ASPM: variants seen among roughly 807,000 people sequenced by gnomAD.
ASPM encodes the protein assembly factor for spindle microtubules, also known as abnormal spindle-like microcephaly-associated protein.
In ASPM, 256 loss-of-function variants were observed where a neutral mutation model predicts 366.4. The ratio of observed to expected loss-of-function variants is 0.70; its 90% CI spans 0.63 to 0.77. The LOEUF is 0.77. Ranked by LOEUF, ASPM falls within the 30% of genes least tolerant of loss-of-function variation. The pLI is 0.00. For missense variants in ASPM, 4,146 were observed against 4,090.4 expected (o/e 1.01, Z -0.37); for synonymous variants, 1,414 against 1,342.9 (o/e 1.05, Z -1.16).
chr1:197,097,405 G>A (rs1657013847), intron 18 of ASPM, among the ~76,000 whole-genome samples: 1 of 151,736 alleles, frequency 6.6e-6, no homozygotes, highest in Non-Finnish European at 1.5e-5. Flanking sequence ...CTCTTTGGAT[G>A]TTAATCCGAC....
At chr1:197,089,823 G>T in intron 25 of ASPM, 107 bp downstream of exon 25, 2 of 1,086,060 alleles carry the variant, frequency 1.8e-6, no homozygotes, top group Admixed American at 2.0e-5. Context: ...GCACATAAAT[G>T]AATTTAACTT....
Position 197,122,081 on chromosome 1 carries a change from A to G in ASPM, c.3742-38T>C, listed in dbSNP as rs773325976. The G allele has an allele frequency of 1.4e-5, 22 of 1,602,972 alleles. No individual in the cohort carries two copies. The South Asian group carries it at 2.1e-4, about 15-fold the overall frequency. ...CACAAAAGATAAAAACAGAATATCA[A>G]CAGAGAATACAGTACTTACTATCAT... On this transcript the variant is annotated intron_variant, in intron 15 of 27. Transcript: ENST00000367409.
At position 197,133,612 on chromosome 1, in the gene ASPM, G is replaced by T; in HGVS notation, c.2174-17C>A. The T allele has an allele frequency of 6.2e-7, 1 of 1,610,244 alleles. No homozygotes were observed. The highest frequency in any genetic ancestry group is 1.1e-5 in the South Asian group (1 of 90,784). On this transcript the variant is annotated splice_polypyrimidine_tract_variant and intron_variant, in intron 5 of 27. Transcript: ENST00000367409. Reference sequence around the variant, plus strand: ...CAGCATTTACTGGGTAAAAACAAAAGAAAGAATGTTTCTGGTTAAACAATA... The same window carrying T: ...CAGCATTTACTGGGTAAAAACAAAATAAAGAATGTTTCTGGTTAAACAATA...
intron 5 of ASPM, among the ~76,000 whole-genome samples, chr1:197,134,305 AG>A (rs1658353764): frequency 6.6e-6 from 1 of 151,848 alleles, no homozygotes; most frequent in Non-Finnish European, 1.5e-5. Context: ...ACAACTACTC[AG>A]GAGTTTGAGG....
In ASPM at chr1:197,129,319, TTAAA is replaced by T. The variant is rs1211384491; in HGVS notation, c.2630-6_2630-3del. On this transcript the variant is annotated splice_region_variant and splice_polypyrimidine_tract_variant and intron_variant, in intron 8 of 27. Coordinates refer to ENST00000367409, the MANE Select transcript of ASPM (RefSeq NM_018136.5). ...ACTTGGACAAAGCTTCTTCATGACCTTAAATAAAGTACAAAAAAGCACAGCAAGT... is the reference window on the plus strand; with the variant it reads ...ACTTGGACAAAGCTTCTTCATGACCTTAAAGTACAAAAAAGCACAGCAAGT... The T allele has an allele frequency of 6.2e-7, 1 of 1,612,130 alleles. No homozygotes were observed. The highest frequency in any genetic ancestry group is 8.5e-7 in the Non-Finnish European group (1 of 1,178,814).
rs575943239 is a variant in ASPM at position 197,133,278 on chromosome 1, C to T, written c.2419+72G>A. On this transcript the variant is annotated intron_variant, in intron 6 of 27. Coordinates refer to ENST00000367409, the MANE Select transcript of ASPM (RefSeq NM_018136.5). ...CCTGTCAATTATATGTCAATAAAGC[C>T]GGGGGAAAAAAACACAAAATCTCTT... is the stretch of plus-strand genomic sequence containing the variant. 289 of 1,500,930 alleles carry T rather than the reference C, an allele frequency of 1.9e-4. 1 individual carries two copies. In the South Asian group the frequency reaches 3.5e-3, roughly 18 times the overall value. The allele number at this position is 1,500,930 out of a possible 1,614,324, so 93.0% of individuals were successfully genotyped here. A position where few individuals can be genotyped will look rare whatever the true frequency, so the allele number is the denominator to read the frequency against.
At position 197,100,958 on chromosome 1, in the gene ASPM, T is replaced by C; in HGVS notation, c.8293A>G (p.Lys2765Glu). 1 of 1,612,658 alleles carries C rather than the reference T, an allele frequency of 6.2e-7. No individual in the cohort carries two copies. Among genetic ancestry groups the C allele is most frequent in the South Asian group, 1.1e-5 (1 of 91,062 alleles). Residue 2765 changes from lysine to glutamate, a missense_variant, in exon 18 of 28, where the codon AAG becomes GAG. Coordinates refer to ENST00000367409, the MANE Select transcript of ASPM (RefSeq NM_018136.5). ...RQKLKNVSEE[K>E]MAAIVNQSAL... ...GATTGGTTAACAATGGCTGCCATCT[T>C]TTCCTCTGATACATTTTTCAATTTT...
chr1:197,092,924 G>T, intron 21 of ASPM, 128 bp downstream of exon 21: 1 of 843,476 alleles, frequency 1.2e-6, no homozygotes, highest in Non-Finnish European at 1.9e-6. Context: ...TCTAGCAGCT[G>T]AATTAATTCA....
intron 4 of ASPM, among the ~76,000 whole-genome samples, chr1:197,138,040 CATA>C (rs1658473737): frequency 6.6e-6 from 1 of 152,044 alleles, no homozygotes; most frequent in Non-Finnish European, 1.5e-5. Context: ...ATTTGTATAA[CATA>C]ATATTTTATG....
Position 197,143,651 on chromosome 1 carries a change from T to A in ASPM, c.601A>T (p.Asn201Tyr), listed in dbSNP as rs370907931. 6.2e-7 allele frequency: 1 copy of A among 1,613,596 alleles called. No individual in the cohort carries two copies. Among genetic ancestry groups the A allele is most frequent in the East Asian group, 2.2e-5 (1 of 44,870 alleles). The change falls in exon 3 of 28, where the codon AAT becomes TAT. Residue 201 changes from asparagine (N) to tyrosine (Y), a missense_variant. Physicochemically the swap from Asn to Tyr is moderately radical, Grantham distance 143. This residue lies in a region of ASPM where 512 missense variants were observed against 471.7 expected (regional missense o/e 1.09). Transcript: ENST00000367409. ...PLQACENLAM[N>Y]EGGPPTENNS... Reference sequence around the variant, plus strand: ...TTTTCTGTTGGGGGACCGCCTTCATTCATAGCCAAGTTTTCACAAGCTTGT... The same window carrying A: ...TTTTCTGTTGGGGGACCGCCTTCATACATAGCCAAGTTTTCACAAGCTTGT...
At chr1:197,122,733 G>A in intron 13 of ASPM, 138 bp from the exon 14 acceptor site, 2 of 828,378 alleles carry the variant, frequency 2.4e-6, no homozygotes, top group East Asian at 5.3e-5. Context: ...AAGTTTGACT[G>A]GTAAACTCTA....
Position 197,096,013 on chromosome 1 carries a change from T to A in ASPM, c.8972A>T (p.Lys2991Ile). 6.2e-7 allele frequency: 1 copy of A among 1,608,504 alleles called. No individual in the cohort carries two copies. Among genetic ancestry groups the A allele is most frequent in the Non-Finnish European group, 8.5e-7 (1 of 1,175,900 alleles). The part of the protein sequence containing the change: ...VKIIQGCFYT[K>I]LERTRFLNVR... The stretch of plus-strand genomic sequence containing the variant: ...GATACATTACCGTGTTCTCTCTAGT[T>A]TGGTATAGAAGCAACCTTGAATAAT... Residue 2991 changes from lysine (K) to isoleucine (I), a missense_variant, in exon 19 of 28, where the codon AAA (lysine) becomes ATA (isoleucine). This residue lies in a region of ASPM where 3,624 missense variants were observed against 3,591.7 expected (regional missense o/e 1.01). Coordinates refer to ENST00000367409, the MANE Select transcript of ASPM (RefSeq NM_018136.5).
chr1:197,108,678 A>T (rs761487327), intron 17 of ASPM, among the ~76,000 whole-genome samples: 19 of 152,092 alleles, frequency 1.2e-4, no homozygotes, highest in Non-Finnish European at 2.4e-4. Context: ...CAAATTTAAA[A>T]AACAGAATCT....
At chr1:197,119,184 T>C (rs1341291502) in intron 16 of ASPM, among the ~76,000 whole-genome samples, 3 of 152,164 alleles carry the variant, frequency 2.0e-5, no homozygotes, top group South Asian at 4.1e-4. Flanking sequence ...ATCATTCCTC[T>C]GGGGAGAAAG....
Position 197,092,056 on chromosome 1 carries a change from A to G in ASPM, c.9295T>C (p.Phe3099Leu), listed in dbSNP as rs1319687632. 1.2e-6 allele frequency: 2 copies of G among 1,611,310 alleles called. No individual in the cohort carries two copies. The highest frequency in any genetic ancestry group is 1.1e-5 in the South Asian group (1 of 91,016). The stretch of plus-strand genomic sequence containing the variant: ...CGAATTTTGGCTCTCTGTTCTAAAA[A>G]CTAAAGGTGAAAAAACAAAGCATAT... ...LVRGWLVRKR[F>L]LEQRAKIRLL... Residue 3099 changes from phenylalanine (F) to leucine (L), a missense_variant and splice_region_variant, in exon 22 of 28, where the codon TTT becomes CTT. By Grantham distance (22) the Phe-to-Leu change is conservative (BLOSUM62 0). This residue lies in a region of ASPM where 3,624 missense variants were observed against 3,591.7 expected (regional missense o/e 1.01). Coordinates refer to ENST00000367409, the MANE Select transcript of ASPM (RefSeq NM_018136.5).
chr1:197,130,317 T>G (rs1658220214), intron 7 of ASPM, among the ~76,000 whole-genome samples: 1 of 152,204 alleles, frequency 6.6e-6, no homozygotes, highest in Non-Finnish European at 1.5e-5. Flanking sequence ...ACATTCCCAT[T>G]TTAATTTTTT....
At position 197,093,149 on chromosome 1, in the gene ASPM, C is replaced by T. The variant is rs1431642676; in HGVS notation, c.9197G>A (p.Arg3066Lys). Reference protein sequence around the residue: ...ALIIQKYIRAREAGKHERIKY... With the variant: ...ALIIQKYIRAKEAGKHERIKY... ...TATCCTTTCATGCTTTCCAGCCTCC[C>T]TGGCTCGTATATATTTTTGTATGAT... The change falls in exon 21 of 28, where the codon AGG (arginine) becomes AAG (lysine). Residue 3066 changes from arginine to lysine, a missense_variant. Arg to Lys is a conservative substitution (Grantham distance 26, BLOSUM62 2). Coordinates refer to ENST00000367409, the MANE Select transcript of ASPM (RefSeq NM_018136.5). 1 of 1,612,290 alleles carries T rather than the reference C, an allele frequency of 6.2e-7. No individual in the cohort carries two copies. Among genetic ancestry groups the T allele is most frequent in the Non-Finnish European group, 8.5e-7 (1 of 1,178,860 alleles).
In ASPM at chr1:197,129,236, C is replaced by T. The variant is rs546870465; in HGVS notation, c.2711G>A (p.Arg904Lys). 1 of 1,612,608 alleles carries T rather than the reference C, an allele frequency of 6.2e-7. No individual in the cohort carries two copies. Residue 904 changes from arginine to lysine, a missense_variant, in exon 9 of 28, where the codon AGA becomes AAA. Coordinates refer to ENST00000367409, the MANE Select transcript of ASPM (RefSeq NM_018136.5). ...VCFLDYAKISRLIDHDPCLFC... is the reference protein window; with the variant it reads ...VCFLDYAKISKLIDHDPCLFC... ...GAGACAAGGATCATGATCAATGAGT[C>T]TGGAAATTTTAGCATAATCAAGAAA... is the stretch of plus-strand genomic sequence containing the variant.
Position 197,139,813 on chromosome 1 carries a change from G to T in ASPM, c.1980C>A (p.Ile660=), listed in dbSNP as rs151087446. 7.4e-6 allele frequency: 12 copies of T among 1,612,356 alleles called. No individual in the cohort carries two copies. In the East Asian group the frequency reaches 2.5e-4, roughly 33 times the overall value. The change falls in exon 4 of 28, where the codon ATC becomes ATA. Residue 660 remains isoleucine, a synonymous_variant. Transcript: ENST00000367409. ...SKTNKRTKPI[I]AVAQSSLTFI... ...AGGTCAAACTGGACTGTGCCACAGC[G>T]ATAATGGGTTTTGTCCTTTTGTTTG...
Sources: gnomAD v4.1 joint callset for allele counts (sites outside exome capture counted in the v4.1 genomes callset) on GRCh38, gnomAD v4.1.1 for gene constraint, gnomAD v4.1.1 regional missense constraint, MANE v1.5 for transcripts, NCBI Gene and HGNC (gene_info 2026-07-23, HGNC 2026-07-21) for gene names.